The following COL1A2 variants were observed in gnomAD, a reference collection of about 807,000 sequenced individuals.
COL1A2 encodes the protein collagen alpha-2(I) chain.
COL1A2 carries 49 observed loss-of-function variants against 174.3 expected under a neutral mutation model. The ratio of observed to expected loss-of-function variants is 0.28; its 90% CI spans 0.22 to 0.36. The LOEUF (loss-of-function observed/expected upper bound fraction) is 0.36. COL1A2 is among the 10% of genes least tolerant of loss of function. COL1A2 has a pLI of 1.00. For synonymous variants in COL1A2, 655 were observed against 606.6 expected, an observed-to-expected ratio of 1.08 and a Z score of -1.17; for missense variants, 1,438 against 1,822.7, an observed-to-expected ratio of 0.79 and a Z score of 3.84.
At chr7:94,413,192 CTTT>C in intron 26 of COL1A2, 56 bp downstream of exon 26, 1 of 1,347,554 alleles carries the variant, frequency 7.4e-7, no homozygotes, top group Non-Finnish European at 1.0e-6. Flanking sequence ...AAGAACCACA[CTTT>C]TTTTTTTACA....
At chr7:94,423,313 G>A in intron 40 of COL1A2, 195 bp downstream of exon 40, 1 of 640,930 alleles carries the variant, frequency 1.6e-6, no homozygotes, top group South Asian at 1.9e-5. Flanking sequence ...CACAAAATCG[G>A]GAAGACAATA....
At chr7:94,424,020 A>AT (rs1792223553) in intron 40 of COL1A2, 1 of 337,478 alleles carries the variant, frequency 3.0e-6, no homozygotes, top group Non-Finnish European at 5.7e-6. Context: ...AACAATTTAA[A>AT]TTTTTTTATT....
chr7:94,409,791 T>A lies in COL1A2; in HGVS notation c.1005T>A (p.Ala335=). 1.2e-6 allele frequency: 2 copies of A among 1,614,178 alleles called. No individual in the cohort carries two copies. Among genetic ancestry groups the A allele is most frequent in the Non-Finnish European group, 1.7e-6 (2 of 1,180,026 alleles). ...GCGGTATTCCTGGCCCTGTTGGTGC[T>A]GCCGGTGCTACTGGTGCCAGAGGAC... ...GPRGIPGPVG[A]AGATGARGLV... Residue 335 remains alanine (A), a synonymous_variant, in exon 19 of 52, where the codon GCT becomes GCA. Transcript: ENST00000297268.
chr7:94,410,410 C>A lies in COL1A2; in HGVS notation c.1090-10C>A, dbSNP rs1454873351. 4 of 1,553,330 alleles carry A rather than the reference C, an allele frequency of 2.6e-6. No individual in the cohort carries two copies. In the Admixed American group the frequency reaches 7.8e-5, roughly 30 times the overall value. Reference sequence around the variant, plus strand: ...TTACTCCCTCTTCTTTTGTTCTTTTCATTAAACAGGGCTCTGCTGGGCCCC... The same window carrying A: ...TTACTCCCTCTTCTTTTGTTCTTTTAATTAAACAGGGCTCTGCTGGGCCCC... On this transcript the variant is annotated splice_polypyrimidine_tract_variant and intron_variant, in intron 20 of 51. Coordinates refer to ENST00000297268, the MANE Select transcript of COL1A2 (RefSeq NM_000089.4).
Position 94,411,049 on chromosome 7 carries a change from TGA to T in COL1A2, c.1252-6_1252-5del. Reference sequence around the variant, plus strand: ...CCTCTATCTGTTTTTTTTTTTTTTTTGAATAGGGCCCTCCTGGTAGTCGTGGT... The same window carrying T: ...CCTCTATCTGTTTTTTTTTTTTTTTTATAGGGCCCTCCTGGTAGTCGTGGT... On this transcript the variant is annotated splice_polypyrimidine_tract_variant and splice_region_variant and intron_variant, in intron 22 of 51. Transcript: ENST00000297268. The T allele has an allele frequency of 1.9e-6, 3 of 1,573,886 alleles. No individual in the cohort carries two copies. Among genetic ancestry groups the T allele is most frequent in the South Asian group, 1.1e-5 (1 of 88,856 alleles).
intron 25 of COL1A2, 151 bp from the exon 26 acceptor site, chr7:94,412,932 G>A: frequency 2.4e-6 from 2 of 817,602 alleles, no homozygotes; most frequent in Non-Finnish European, 4.2e-6. Context: ...GCTGCATGGT[G>A]ATGGATCATC....
rs1791904982 is a variant in COL1A2, at chr7:94,410,803, G to A, written c.1198-86G>A. Reference sequence around the variant, plus strand: ...GTTTGTGTCTGTATCTCCCCTGTAAGGAGATCATGCTATTTTTTACAAACT... The same window carrying A: ...GTTTGTGTCTGTATCTCCCCTGTAAAGAGATCATGCTATTTTTTACAAACT... On this transcript the variant is annotated intron_variant, in intron 21 of 51. Coordinates refer to ENST00000297268, the MANE Select transcript of COL1A2 (RefSeq NM_000089.4). 5 of 1,424,982 alleles carry A rather than the reference G, an allele frequency of 3.5e-6. No individual in the cohort carries two copies. The African/African-American group carries it at 7.0e-5, about 20-fold the overall frequency. 88.3% of individuals were successfully genotyped at this position (1,424,982 alleles called of 1,614,324 possible).
intron 37 of COL1A2, 119 bp from the exon 38 acceptor site, chr7:94,420,890 A>G: frequency 9.6e-7 from 1 of 1,041,566 alleles, no homozygotes; most frequent in Non-Finnish European, 1.5e-6. Context: ...TGACACAGAT[A>G]GTCATTTTTT....
chr7:94,395,343 T>C (rs761019572), intron 1 of COL1A2: 30 of 570,328 alleles, frequency 5.3e-5, no homozygotes, highest in Non-Finnish European at 9.4e-5. Flanking sequence ...GACAGTTAAC[T>C]CGGTCTGGCT....
At chr7:94,407,699 C>A in intron 12 of COL1A2, 148 bp from the exon 13 acceptor site, 1 of 672,718 alleles carries the variant, frequency 1.5e-6, no homozygotes, top group Non-Finnish European at 2.6e-6. Context: ...ATCTGTGTGT[C>A]TGGCATAATT....
intron 33 of COL1A2, 121 bp from the exon 34 acceptor site, chr7:94,419,377 T>A (rs970371600): frequency 1.7e-6 from 2 of 1,155,138 alleles, no homozygotes; most frequent in African/African-American, 3.0e-5. Context: ...CTTCTAGATA[T>A]CCAACCAGAG....
chr7:94,400,307 TGCTAACTTTTA>T lies in COL1A2; in HGVS notation c.225+28_225+38del. On this transcript the variant is annotated intron_variant, in intron 5 of 51. Transcript: ENST00000297268. ...CGGTGGGGTAAGGTGTCTTACGTAT[TGCTAACTTTTA>T]GCTAACTTCAGTTGAAAGAAGGTTT... 1 of 1,606,284 alleles carries T rather than the reference TGCTAACTTTTA, an allele frequency of 6.2e-7. No homozygotes were observed. Among genetic ancestry groups the T allele is most frequent in the Non-Finnish European group, 8.5e-7 (1 of 1,173,222 alleles).
At chr7:94,423,479 A>T (rs901853449) in intron 40 of COL1A2, 31 of 294,692 alleles carry the variant, frequency 1.1e-4, no homozygotes, top group Middle Eastern at 1.1e-3. Flanking sequence ...ACTGTCCAGT[A>T]TTAGTGCTAC....
chr7:94,421,753 A>T, intron 38 of COL1A2, 146 bp from the exon 39 acceptor site: 3 of 701,652 alleles, frequency 4.3e-6, no homozygotes, highest in Non-Finnish European at 7.5e-6. Flanking sequence ...CTGGCTAAAT[A>T]ATGCCCTATA....
rs985705987 is a variant in COL1A2, at chr7:94,427,415, A to G, written c.3267+120A>G. ...TTAGCCCCATTTCAATATATCCTCT[A>G]AAATATCTGGAAATTGTCTATATGC... On this transcript the variant is annotated intron_variant, in intron 48 of 51. Coordinates refer to ENST00000297268, the MANE Select transcript of COL1A2 (RefSeq NM_000089.4). 1.1e-5 allele frequency: 12 copies of G among 1,125,432 alleles called. No homozygotes were observed. In the African/African-American group the frequency reaches 1.4e-4, roughly 13 times the overall value. 69.7% of individuals were successfully genotyped at this position (1,125,432 alleles called of 1,614,324 possible).
chr7:94,424,986 G>A (rs1413648188), intron 41 of COL1A2, 131 bp from the exon 42 acceptor site: 4 of 764,640 alleles, frequency 5.2e-6, no homozygotes, highest in Non-Finnish European at 2.3e-6. Context: ...TCTTACCATT[G>A]TGTGACCCAT....
chr7:94,401,491 T>A (rs1351322558), intron 5 of COL1A2, 76 bp from the exon 6 acceptor site: 1 of 587,758 alleles, frequency 1.7e-6, no homozygotes, highest in Non-Finnish European at 2.4e-6. Flanking sequence ...ACAAGTAGAA[T>A]GAGAAAATGA....
chr7:94,417,885 C>A, intron 32 of COL1A2, 54 bp downstream of exon 32: 1 of 1,419,280 alleles, frequency 7.0e-7, no homozygotes, highest in South Asian at 1.2e-5. Flanking sequence ...AAGAAGGCTG[C>A]ACAAGGATGC....
chr7:94,428,035 A>C (rs1191620577), intron 49 of COL1A2, 150 bp downstream of exon 49: 1 of 956,192 alleles, frequency 1.0e-6, no homozygotes, highest in Non-Finnish European at 1.6e-6. Context: ...ATCTTCTCCC[A>C]ACCAGCACCC....
Sources: gnomAD v4.1 joint callset for allele counts on GRCh38, gnomAD v4.1.1 for gene constraint, MANE v1.5 for transcripts, NCBI Gene and HGNC (gene_info 2026-07-23, HGNC 2026-07-21) for gene names.